The following ABCB1 variants were observed in gnomAD, a reference collection of about 807,000 sequenced individuals.
The protein encoded by ABCB1 is ATP-dependent translocase ABCB1.
In ABCB1, 69 loss-of-function variants were observed where a neutral mutation model predicts 142.0. The ratio of observed to expected loss-of-function variants is 0.49; its 90% CI spans 0.40 to 0.59. The LOEUF is 0.59. ABCB1 is among the 20% of genes least tolerant of loss of function. The probability of loss-of-function intolerance (pLI) is 0.00; values close to 1 mark genes in which losing one functional copy is unlikely to be tolerated. For synonymous variants in ABCB1, 532 were observed against 539.2 expected, an observed-to-expected ratio of 0.99 and a Z score of 0.18; for missense variants, 1,326 against 1,554.7, an observed-to-expected ratio of 0.85 and a Z score of 2.47.
chr7:87,610,963 A>G (rs1366840091), intron 1 of ABCB1, among the ~76,000 whole-genome samples: 1 of 152,168 alleles, frequency 6.6e-6, no homozygotes, highest in Non-Finnish European at 1.5e-5. Context: ...CTCAACAATG[A>G]CAATAACTGT....
In ABCB1 at chr7:87,558,619, C is replaced by T. The variant is rs1401902463; in HGVS notation, c.827+2644G>A. 2.2e-4 allele frequency among the ~76,000 whole-genome samples: 34 copies of T among 151,844 alleles called. 1 individual carries two copies. The highest frequency in any genetic ancestry group is 2.2e-3 in the Admixed American group (34 of 15,238). On this transcript the variant is annotated intron_variant, in intron 8 of 27. Transcript: ENST00000622132. The stretch of plus-strand genomic sequence containing the variant: ...TGATAGTAAACACATTTGCCTCATT[C>T]ATTATTTGTTTTTTATTTTTTAAAT...
In ABCB1 at chr7:87,680,381, C is replaced by T. The variant is rs139520654; in HGVS notation, c.-331+32780G>A. 2.5e-4 allele frequency among the ~76,000 whole-genome samples: 37 copies of T among 150,652 alleles called. 2 individuals are homozygous for T. Among genetic ancestry groups the T allele is most frequent in the African/African-American group, 7.9e-4 (32 of 40,684 alleles). On this transcript the variant is annotated intron_variant, in intron 1 of 28. Coordinates refer to the ABCB1 transcript ENST00000265724. ...TTGAACTGAATGAAAAACTAAAACGCGTTGTATCAAAATGTGTAGCATGCA... is the reference window on the plus strand; with the variant it reads ...TTGAACTGAATGAAAAACTAAAACGTGTTGTATCAAAATGTGTAGCATGCA...
intron 8 of ABCB1, among the ~76,000 whole-genome samples, chr7:87,557,757 T>G (rs1817365738): frequency 6.6e-6 from 1 of 152,228 alleles, no homozygotes; most frequent in Admixed American, 6.5e-5. Flanking sequence ...TTACAAATGT[T>G]GGGCTTCACT....
intron 8 of ABCB1, among the ~76,000 whole-genome samples, chr7:87,558,417 G>T (rs761340852): frequency 1.2e-4 from 18 of 152,106 alleles, no homozygotes; most frequent in Non-Finnish European, 2.4e-4. Context: ...TATTTTGTTA[G>T]CTTATAAAAC....
chr7:87,589,361 G>A (rs1818890567), intron 3 of ABCB1, among the ~76,000 whole-genome samples: 1 of 152,132 alleles, frequency 6.6e-6, no homozygotes, highest in African/African-American at 2.4e-5. Flanking sequence ...TAATGTTACT[G>A]GTTTTGAAAA....
chr7:87,546,791 C>A (rs1369146012), intron 14 of ABCB1, among the ~76,000 whole-genome samples: 1 of 152,064 alleles, frequency 6.6e-6, no homozygotes, highest in African/African-American at 2.4e-5. Flanking sequence ...CAATGTCACA[C>A]TGACCTGAAA....
intron 19 of ABCB1, among the ~76,000 whole-genome samples, chr7:87,537,621 T>C (rs1816355982): frequency 6.6e-6 from 1 of 152,204 alleles, no homozygotes; most frequent in South Asian, 2.1e-4. Flanking sequence ...TTTGGAAATG[T>C]TAAACAGTGA....
At chr7:87,526,375 T>A (rs1815784622) in intron 21 of ABCB1, among the ~76,000 whole-genome samples, 1 of 152,070 alleles carries the variant, frequency 6.6e-6, no homozygotes, top group Non-Finnish European at 1.5e-5. Context: ...TGCTTTGTGA[T>A]GAGCCTTAAA....
chr7:87,636,452 G>A (rs535877233), intron 1 of ABCB1, among the ~76,000 whole-genome samples: 31 of 152,230 alleles, frequency 2.0e-4, no homozygotes, highest in Admixed American at 2.0e-3. Flanking sequence ...GCAGTTCTTT[G>A]TACATTCTGT....
intron 27 of ABCB1, among the ~76,000 whole-genome samples, 167 bp from the exon 28 acceptor site, chr7:87,504,616 T>C (rs28364270): frequency 0.022 from 3,405 of 152,186 alleles, 62 homozygotes; most frequent in African/African-American, 0.048. Flanking sequence ...CCATCCTGGC[T>C]AACACGGTGA....
intron 1 of ABCB1, chr7:87,700,545 T>C: frequency 1.2e-6 from 2 of 1,611,956 alleles, no homozygotes; most frequent in Non-Finnish European, 8.5e-7. Context: ...TCAGTTCTTC[T>C]AGAGCTAAGG....
intron 15 of ABCB1, among the ~76,000 whole-genome samples, chr7:87,545,440 C>T (rs1314923121): frequency 1.3e-5 from 2 of 152,090 alleles, no homozygotes; most frequent in East Asian, 3.9e-4. Context: ...TTTATTTCAC[C>T]TAATATATCC....
At chr7:87,665,115 A>G (rs1302095097) in intron 1 of ABCB1, among the ~76,000 whole-genome samples, 1 of 152,160 alleles carries the variant, frequency 6.6e-6, no homozygotes, top group African/African-American at 2.4e-5. Context: ...TATGCAAGAA[A>G]AATAAATAAA....
At chr7:87,677,309 A>C (rs1185007662) in intron 1 of ABCB1, among the ~76,000 whole-genome samples, 36 of 144,400 alleles carry the variant, frequency 2.5e-4, no homozygotes, top group African/African-American at 8.0e-4. Context: ...ACACACACAC[A>C]CCACAATGGA....
intron 1 of ABCB1, among the ~76,000 whole-genome samples, chr7:87,671,044 A>C (rs930157737): frequency 6.6e-6 from 1 of 152,116 alleles, no homozygotes; most frequent in Admixed American, 6.5e-5. Flanking sequence ...ACTGAGGGTC[A>C]TTTGCTTGTT....
chr7:87,625,993 T>C (rs1169694531), intron 1 of ABCB1, among the ~76,000 whole-genome samples: 7 of 144,492 alleles, frequency 4.8e-5, no homozygotes, highest in African/African-American at 1.6e-4. Flanking sequence ...TATATGTACA[T>C]ATATATGTAT....
At position 87,700,454 on chromosome 7, in the gene ABCB1, G is replaced by A. The variant is rs768512540; in HGVS notation, c.-331+12707C>T. The A allele has an allele frequency of 6.2e-6, 10 of 1,612,298 alleles. No homozygotes were observed. In the Admixed American group the frequency reaches 6.7e-5, roughly 11 times the overall value. On this transcript the variant is annotated intron_variant, in intron 1 of 28. Transcript: ENST00000265724. ...ACCTGGTTTGGTTATGAAAGTCCTC[G>A]TAGCTTCTGGGACTATATCAGAGTG...
In ABCB1 at chr7:87,688,934, T is replaced by C. The variant is rs367715651; in HGVS notation, c.-331+24227A>G. 4.6e-5 allele frequency among the ~76,000 whole-genome samples: 7 copies of C among 152,124 alleles called. No homozygotes were observed. The East Asian group carries it at 1.4e-3, about 29-fold the overall frequency. ...TAACCAAACTAGAATTTTCAAGGAA[T>C]CATTTTCATTCACCAATTTAAATAT... On this transcript the variant is annotated intron_variant, in intron 1 of 28. Transcript: ENST00000265724.
At chr7:87,666,287 C>A (rs759246857) in intron 1 of ABCB1, among the ~76,000 whole-genome samples, 13 of 152,064 alleles carry the variant, frequency 8.5e-5, no homozygotes, top group Non-Finnish European at 1.8e-4. Context: ...GTGTATGCTT[C>A]CTTTGAAAAG....
Sources: gnomAD v4.1 joint callset for allele counts (sites outside exome capture counted in the v4.1 genomes callset) on GRCh38, gnomAD v4.1.1 for gene constraint, MANE v1.5 for transcripts, NCBI Gene and HGNC (gene_info 2026-07-23, HGNC 2026-07-21) for gene names.